PIP5K1C: variants seen among roughly 807,000 people sequenced by gnomAD.
PIP5K1C encodes phosphatidylinositol-4-phosphate 5-kinase type 1 gamma.
A neutral mutation model predicts 80.1 loss-of-function variants in PIP5K1C; 45 were observed. The observed-to-expected ratio is 0.56, with a 90% CI of 0.44 to 0.72. The LOEUF (loss-of-function observed/expected upper bound fraction) is 0.72, where lower values mean the gene tolerates loss of function less well. PIP5K1C is among the 30% of genes least tolerant of loss of function. PIP5K1C has a pLI of 0.00. For missense variants in PIP5K1C, 753 were observed against 954.6 expected, an observed-to-expected ratio of 0.79 and a Z score of 2.78; for synonymous variants, 498 against 420.1, an observed-to-expected ratio of 1.19 and a Z score of -2.27.
At chr19:3,654,371 C>G (rs1450140234) in intron 6 of PIP5K1C, among the ~76,000 whole-genome samples, 1 of 152,188 alleles carries the variant, frequency 6.6e-6, no homozygotes, top group African/African-American at 2.4e-5. Flanking sequence ...GCCCAGGTGT[C>G]GGGGCTGAGA....
chr19:3,679,385 C>A (rs1032860836), intron 1 of PIP5K1C, among the ~76,000 whole-genome samples: 1 of 152,288 alleles, frequency 6.6e-6, no homozygotes, highest in South Asian at 2.1e-4. Flanking sequence ...CCTGTCCTCC[C>A]GTTTGGGTCT....
chr19:3,676,027 G>C (rs2035346090), intron 1 of PIP5K1C, among the ~76,000 whole-genome samples: 1 of 152,228 alleles, frequency 6.6e-6, no homozygotes, highest in African/African-American at 2.4e-5. Flanking sequence ...CCCCACACAG[G>C]ATCCCACCCA....
chr19:3,656,163 A>G (rs908958158), intron 6 of PIP5K1C, among the ~76,000 whole-genome samples: 1 of 152,162 alleles, frequency 6.6e-6, no homozygotes, highest in Non-Finnish European at 1.5e-5. Context: ...GTGCCCACCC[A>G]GCCCTGCCCG....
chr19:3,683,043 T>C (rs1159896639), intron 1 of PIP5K1C, among the ~76,000 whole-genome samples: 1 of 149,270 alleles, frequency 6.7e-6, no homozygotes, highest in Non-Finnish European at 1.5e-5. Context: ...GCTGCGCCTC[T>C]GCCTGGAACT....
rs566021760 is a variant in PIP5K1C, at chr19:3,696,563, G to A, written c.94+3734C>T. On this transcript the variant is annotated intron_variant, in intron 1 of 17. Coordinates refer to ENST00000335312, the MANE Select transcript of PIP5K1C (RefSeq NM_012398.3). The surrounding 1 kb of genome is among the most constrained non-coding windows in gnomAD (Gnocchi z 4.1). The stretch of plus-strand genomic sequence containing the variant: ...GATGCTCCCACAAAACCTGGAAAGC[G>A]CTAAGGGAGCAAAGGACACAGATGG... Among the ~76,000 whole-genome samples, 36 of 146,708 alleles carry A rather than the reference G, an allele frequency of 2.5e-4. No homozygotes were observed. The highest frequency in any genetic ancestry group is 1.5e-4 in the African/African-American group (6 of 39,968).
At chr19:3,670,202 C>T (rs1226267496) in intron 1 of PIP5K1C, among the ~76,000 whole-genome samples, 7 of 152,262 alleles carry the variant, frequency 4.6e-5, no homozygotes, top group African/African-American at 1.7e-4. Context: ...TCAGTCCCCA[C>T]GCCTGCCTGA....
At chr19:3,670,634 G>A (rs1004793955) in intron 1 of PIP5K1C, among the ~76,000 whole-genome samples, 2 of 152,346 alleles carry the variant, frequency 1.3e-5, no homozygotes, top group East Asian at 1.9e-4. Flanking sequence ...GGCAGCCCAG[G>A]ACCTCACACG....
intron 1 of PIP5K1C, among the ~76,000 whole-genome samples, chr19:3,682,372 T>TAAAAAAAA (rs369608211): frequency 9.0e-6 from 1 of 111,212 alleles, no homozygotes; most frequent in Non-Finnish European, 1.9e-5. Context: ...AGACTCCATC[T>TAAAAAAAA]AAAAAAAAAA....
chr19:3,685,216 C>T (rs1196712948), intron 1 of PIP5K1C, among the ~76,000 whole-genome samples: 2 of 152,156 alleles, frequency 1.3e-5, no homozygotes, highest in African/African-American at 2.4e-5. Flanking sequence ...GGGGTGATGC[C>T]CGTGTCAATA....
intron 5 of PIP5K1C, among the ~76,000 whole-genome samples, chr19:3,659,924 G>A (rs145059344): frequency 4.0e-4 from 61 of 152,366 alleles, no homozygotes; most frequent in South Asian, 8.3e-4. Context: ...CGGGGACCGT[G>A]CTGTCGTGAC....
intron 16 of PIP5K1C, among the ~76,000 whole-genome samples, chr19:3,636,113 T>A (rs1289789929): frequency 6.6e-6 from 1 of 151,790 alleles, no homozygotes. Flanking sequence ...GCTGAGATCA[T>A]GCCATTGCAC....
intron 10 of PIP5K1C, among the ~76,000 whole-genome samples, chr19:3,646,273 G>T (rs2034210466): frequency 6.6e-6 from 1 of 152,176 alleles, no homozygotes; most frequent in Non-Finnish European, 1.5e-5. Flanking sequence ...GGGAATGGGT[G>T]GAGGCTTTTC....
At chr19:3,660,055 A>G (rs2034779435) in intron 5 of PIP5K1C, among the ~76,000 whole-genome samples, 1 of 152,120 alleles carries the variant, frequency 6.6e-6, no homozygotes, top group Non-Finnish European at 1.5e-5. Flanking sequence ...GTGATGGCGC[A>G]GGTTGGATGC....
chr19:3,646,165 GA>G, intron 10 of PIP5K1C, 107 bp from the exon 11 acceptor site: 2 of 737,184 alleles, frequency 2.7e-6, no homozygotes, highest in Admixed American at 3.8e-5. Flanking sequence ...CCTTCTGTGT[GA>G]AAAGGCTCGA....
In PIP5K1C at chr19:3,660,976, T is replaced by C; in HGVS notation, c.458A>G (p.Asp153Gly). Reference protein sequence around the residue: ...YFRELFGIRPDDYLYSLCNEP... With the variant: ...YFRELFGIRPGDYLYSLCNEP... ...AGCAAATATGCTTACCAAGTAATCA[T>C]CTGGCCGGATCCCAAAGAGCTCCCG... The change falls in exon 5 of 18, where the codon GAT becomes GGT. Residue 153 changes from aspartate (D) to glycine (G), a missense_variant. Asp to Gly is a moderately conservative substitution (Grantham distance 94). Transcript: ENST00000335312. 6.2e-7 allele frequency: 1 copy of C among 1,612,710 alleles called. No individual in the cohort carries two copies. Among genetic ancestry groups the C allele is most frequent in the Non-Finnish European group, 8.5e-7 (1 of 1,178,938 alleles).
chr19:3,637,963 C>G lies in PIP5K1C; in HGVS notation c.1920+921G>C. Reference sequence around the variant, plus strand: ...GCACAGGCACGCGGCCCGTCCCTCCCTTCTCCAGGGCCAGGTGGGTGCATG... The same window carrying G: ...GCACAGGCACGCGGCCCGTCCCTCCGTTCTCCAGGGCCAGGTGGGTGCATG... On this transcript the variant is annotated intron_variant, in intron 16 of 17. Transcript: ENST00000335312. This position sits in a 1 kb window ranked among gnomAD's most constrained non-coding sequence, Gnocchi z 7.0. 6.5e-7 allele frequency: 1 copy of G among 1,533,292 alleles called. No individual in the cohort carries two copies. Among genetic ancestry groups the G allele is most frequent in the Non-Finnish European group, 8.7e-7 (1 of 1,145,814 alleles). The allele number at this position is 1,533,292 out of a possible 1,614,324, so 95.0% of individuals were successfully genotyped here.
chr19:3,656,337 C>T, intron 6 of PIP5K1C, 68 bp downstream of exon 6: 3 of 1,584,706 alleles, frequency 1.9e-6, no homozygotes, highest in Non-Finnish European at 2.6e-6. Context: ...TTGCAGACAT[C>T]TGCTCCCGCC....
intron 1 of PIP5K1C, among the ~76,000 whole-genome samples, chr19:3,671,156 G>C (rs1314442656): frequency 1.3e-5 from 2 of 152,204 alleles, no homozygotes. Flanking sequence ...GCCTGTCTGG[G>C]GCCTCCCTGC....
intron 1 of PIP5K1C, among the ~76,000 whole-genome samples, chr19:3,697,841 G>A (rs531967007): frequency 5.0e-4 from 76 of 152,344 alleles, no homozygotes; most frequent in African/African-American, 1.8e-3. Context: ...GGGCACAGCC[G>A]CATCCCAAGC....
Sources: gnomAD v4.1 joint callset for allele counts (sites outside exome capture counted in the v4.1 genomes callset) on GRCh38, gnomAD v4.1.1 for gene constraint, Gnocchi (gnomAD v3.1) non-coding constraint, MANE v1.5 for transcripts, NCBI Gene and HGNC (gene_info 2026-07-23, HGNC 2026-07-21) for gene names.